Variants in EXD2 observed in about 807,000 individuals in gnomAD.
EXD2 encodes exonuclease 3'-5' domain containing 2.
EXD2 carries 40 observed loss-of-function variants against 62.5 expected under a neutral mutation model. The ratio of observed to expected loss-of-function variants is 0.64; its 90% CI spans 0.50 to 0.83. The LOEUF (loss-of-function observed/expected upper bound fraction) is 0.83, where lower values mean the gene tolerates loss of function less well. Among genes scored for constraint, EXD2 ranks in the 40% least tolerant of loss-of-function variants. The probability of loss-of-function intolerance (pLI) is 0.00; values close to 1 mark genes in which losing one functional copy is unlikely to be tolerated. For synonymous variants in EXD2, 239 were observed against 291.9 expected, an observed-to-expected ratio of 0.82 and a Z score of 1.85; for missense variants, 671 against 761.8, an observed-to-expected ratio of 0.88 and a Z score of 1.40.
rs1423986362 is a variant in EXD2 at position 69,237,782 on chromosome 14, G to A, written c.1500G>A (p.Arg500=). The A allele has an allele frequency of 3.7e-6, 6 of 1,613,510 alleles. No homozygotes were observed. Among genetic ancestry groups the A allele is most frequent in the Non-Finnish European group, 5.1e-6 (6 of 1,179,866 alleles). ...GLRLLEDPER[R]QVRSGARALL... is the part of the protein sequence containing the mutation. ...GCCTGCTGGAAGATCCTGAGCGCCG[G>A]CAGGTGCGTTCTGGGGCCAGGGCCC... The change falls in exon 9 of 10, where the codon CGG becomes CGA. Residue 500 remains arginine, a synonymous_variant. Coordinates refer to ENST00000685843, the MANE Select transcript of EXD2 (RefSeq NM_001193360.2).
intron 2 of EXD2, among the ~76,000 whole-genome samples, chr14:69,206,964 C>T (rs114970344): frequency 0.013 from 2,024 of 152,338 alleles, 42 homozygotes; most frequent in African/African-American, 0.047. Flanking sequence ...AGCAGTTTCT[C>T]TACACAAGTT....
At position 69,236,021 on chromosome 14, in the gene EXD2, A is replaced by G. The variant is rs746549622; in HGVS notation, c.1050-25A>G. On this transcript the variant is annotated intron_variant, in intron 6 of 9. Coordinates refer to ENST00000685843, the MANE Select transcript of EXD2 (RefSeq NM_001193360.2). ...TGACCCACAGTTAGCTTCCGGTTTGAGATTTCTCTTTCCTTTCCCTGCAGA... is the reference window on the plus strand; with the variant it reads ...TGACCCACAGTTAGCTTCCGGTTTGGGATTTCTCTTTCCTTTCCCTGCAGA... 73 of 1,580,334 alleles carry G rather than the reference A, an allele frequency of 4.6e-5. No homozygotes were observed. In the Admixed American group the frequency reaches 1.2e-3, roughly 26 times the overall value.
intron 7 of EXD2, 39 bp from the exon 8 acceptor site, chr14:69,236,368 C>G (rs1334443574): frequency 6.2e-7 from 1 of 1,613,470 alleles, no homozygotes. Context: ...GTGGTGGGGG[C>G]AGGGGGAGCA....
intron 8 of EXD2, 77 bp from the exon 9 acceptor site, chr14:69,237,498 C>T (rs921460006): frequency 7.3e-7 from 1 of 1,371,440 alleles, no homozygotes; most frequent in Non-Finnish European, 1.0e-6. Flanking sequence ...GTTAGAACCC[C>T]AGTAGCCTGT....
intron 3 of EXD2, among the ~76,000 whole-genome samples, chr14:69,222,719 G>A (rs1273406624): frequency 1.3e-5 from 2 of 151,852 alleles, no homozygotes; most frequent in African/African-American, 2.4e-5. Context: ...TTAATACATA[G>A]GAATGTTCTT....
chr14:69,197,215 C>T (rs1317385092), intron 1 of EXD2, among the ~76,000 whole-genome samples: 3 of 152,088 alleles, frequency 2.0e-5, no homozygotes, highest in East Asian at 1.9e-4. Context: ...AGCCAGATCT[C>T]GTCTCTAAAA....
intron 3 of EXD2, among the ~76,000 whole-genome samples, chr14:69,224,927 C>T (rs978195740): frequency 2.6e-5 from 4 of 151,516 alleles, no homozygotes; most frequent in Non-Finnish European, 5.9e-5. Flanking sequence ...TGCAGTGAGC[C>T]GAGATCACAC....
At chr14:69,202,205 C>G (rs1216089342) in intron 1 of EXD2, among the ~76,000 whole-genome samples, 1 of 152,042 alleles carries the variant, frequency 6.6e-6, no homozygotes, top group Non-Finnish European at 1.5e-5. Flanking sequence ...AACCCCGTTT[C>G]TACCAAAAAT....
Position 69,239,808 on chromosome 14 carries a change from G to A in EXD2, c.1650-1076G>A, listed in dbSNP as rs532557109. 1.4e-3 allele frequency among the ~76,000 whole-genome samples: 215 copies of A among 152,304 alleles called. 5 individuals carry two copies. In the South Asian group the frequency reaches 0.028, roughly 20 times the overall value. On this transcript the variant is annotated intron_variant, in intron 9 of 9. Transcript: ENST00000685843. ...GTAGAGGCAGGGTTTCACCTCGTTG[G>A]TCAGGCTGGTCTCGAACTCCTGACC...
rs764893919 is a variant in EXD2, at chr14:69,237,719, G to A, written c.1437G>A (p.Lys479=). 5 of 1,614,158 alleles carry A rather than the reference G, an allele frequency of 3.1e-6. No individual in the cohort carries two copies. In the South Asian group the frequency reaches 5.5e-5, roughly 18 times the overall value. ...YDNHLKQQLA[K]EFQAPIGSEE... ...ACCATCTGAAGCAGCAGCTGGCCAA[G>A]GAGTTCCAGGCCCCCATCGGCTCTG... The change falls in exon 9 of 10, where the codon AAG becomes AAA. Residue 479 remains lysine (K), a synonymous_variant. Coordinates refer to ENST00000685843, the MANE Select transcript of EXD2 (RefSeq NM_001193360.2).
In EXD2 at chr14:69,230,525, T is replaced by A; in HGVS notation, c.644T>A (p.Leu215Ter). Residue 215 changes from leucine (L) to a stop codon, truncating the protein, a stop_gained, in exon 5 of 10, where the codon TTG becomes TAG. Coordinates refer to ENST00000685843, the MANE Select transcript of EXD2 (RefSeq NM_001193360.2). LOFTEE classifies it high-confidence loss of function. ...LSLKSLAETVLNFPLDKSLLL... is the reference protein window; with the variant it reads ...LSLKSLAETV ...CTGAAGTCCCTCGCTGAGACTGTTT[T>A]GAACTTTCCCCTTGACAAGTCCCTT... The A allele has an allele frequency of 6.2e-7, 1 of 1,614,054 alleles. No individual in the cohort carries two copies. The highest frequency in any genetic ancestry group is 8.5e-7 in the Non-Finnish European group (1 of 1,179,952).
At chr14:69,199,662 A>G (rs973306399) in intron 1 of EXD2, among the ~76,000 whole-genome samples, 2 of 151,754 alleles carry the variant, frequency 1.3e-5, no homozygotes, top group African/African-American at 4.8e-5. Flanking sequence ...ACATACATTC[A>G]TGTTAGCTTA....
At chr14:69,229,685 A>G (rs2043498909) in intron 4 of EXD2, among the ~76,000 whole-genome samples, 1 of 152,170 alleles carries the variant, frequency 6.6e-6, no homozygotes, top group Non-Finnish European at 1.5e-5. Context: ...TTTTATTCCT[A>G]TGGAAATTTG....
At chr14:69,199,877 A>G (rs1044127943) in intron 1 of EXD2, among the ~76,000 whole-genome samples, 1 of 152,256 alleles carries the variant, frequency 6.6e-6, no homozygotes, top group Non-Finnish European at 1.5e-5. Context: ...AAAATAAAAA[A>G]TATGGTAAAT....
chr14:69,196,744 C>T (rs895009633), intron 1 of EXD2, among the ~76,000 whole-genome samples: 1 of 151,884 alleles, frequency 6.6e-6, no homozygotes, highest in Admixed American at 6.6e-5. Context: ...CTGCCTCAGC[C>T]TCCCAAGTAG....
intron 3 of EXD2, among the ~76,000 whole-genome samples, chr14:69,214,842 T>C (rs1020825293): frequency 6.6e-6 from 1 of 152,182 alleles, no homozygotes; most frequent in African/African-American, 2.4e-5. Context: ...TGTGCTCTTT[T>C]TTGTCTTGCT....
chr14:69,236,239 G>A, intron 7 of EXD2, 87 bp downstream of exon 7: 1 of 1,497,984 alleles, frequency 6.7e-7, no homozygotes, highest in Non-Finnish European at 9.3e-7. Context: ...AAGAGGGAGG[G>A]ATAGAAGAAG....
chr14:69,234,215 A>G (rs1329511588), intron 5 of EXD2, among the ~76,000 whole-genome samples: 2 of 152,142 alleles, frequency 1.3e-5, no homozygotes, highest in Admixed American at 6.5e-5. Flanking sequence ...TTTGTTTTCA[A>G]TATCATATTA....
At chr14:69,238,632 G>T (rs1239652056) in intron 9 of EXD2, among the ~76,000 whole-genome samples, 18 of 149,050 alleles carry the variant, frequency 1.2e-4, no homozygotes, top group African/African-American at 4.0e-4. Context: ...TAGTTTTGTG[G>T]TTTTTTTGTT....
Sources: allele counts gnomAD v4.1 joint callset (sites outside exome capture counted in the v4.1 genomes callset), GRCh38; gene constraint gnomAD v4.1.1; transcripts MANE v1.5; gene names NCBI Gene and HGNC (gene_info 2026-07-23, HGNC 2026-07-21).